The following RIMS2 variants were observed in gnomAD, a reference collection of about 807,000 sequenced individuals.
RIMS2 encodes regulating synaptic membrane exocytosis protein 2.
RIMS2 carries 59 observed loss-of-function variants against 174.4 expected under a neutral mutation model. The ratio of observed to expected loss-of-function variants is 0.34; its 90% confidence interval spans 0.27 to 0.42. The LOEUF (loss-of-function observed/expected upper bound fraction) is 0.42, where lower values mean the gene tolerates loss of function less well. Ranked by LOEUF, RIMS2 falls within the 10% of genes least tolerant of loss-of-function variation. The pLI is 1.00. For missense variants in RIMS2, 1,620 were observed against 1,666.3 expected, an observed-to-expected ratio of 0.97 and a Z score of 0.48; for synonymous variants, 606 against 572.5, an observed-to-expected ratio of 1.06 and a Z score of -0.84.
intron 1 of RIMS2, among the ~76,000 whole-genome samples, chr8:103,551,476 A>G (rs1305233325): frequency 6.6e-6 from 1 of 152,202 alleles, no homozygotes. Flanking sequence ...ATTTTTGGCA[A>G]ACTCACAGCC....
At chr8:103,747,776 G>A (rs543153385) in intron 2 of RIMS2, among the ~76,000 whole-genome samples, 1 of 152,266 alleles carries the variant, frequency 6.6e-6, no homozygotes, top group South Asian at 2.1e-4. Context: ...TAAGACTGCA[G>A]GTGGAGCAAT....
intron 19 of RIMS2, among the ~76,000 whole-genome samples, chr8:104,069,808 C>T (rs2097167795): frequency 6.6e-6 from 1 of 152,074 alleles, no homozygotes; most frequent in South Asian, 2.1e-4. Flanking sequence ...ATATTCAAGA[C>T]ATTTTTAGTT....
At chr8:104,196,622 C>T (rs2099025740) in intron 19 of RIMS2, among the ~76,000 whole-genome samples, 1 of 152,026 alleles carries the variant, frequency 6.6e-6, no homozygotes, top group Admixed American at 6.6e-5. Flanking sequence ...GATGATAGTA[C>T]AGTTTTTCAC....
intron 19 of RIMS2, among the ~76,000 whole-genome samples, chr8:104,206,841 A>C (rs942271120): frequency 7.2e-5 from 11 of 152,232 alleles, no homozygotes; most frequent in African/African-American, 2.7e-4. Flanking sequence ...TAGCTTCCAG[A>C]GAGTTTCATA....
chr8:103,773,831 A>G (rs189591261), intron 3 of RIMS2, among the ~76,000 whole-genome samples: 99 of 152,308 alleles, frequency 6.5e-4, no homozygotes, highest in Admixed American at 1.2e-3. Context: ...CTTTTGTGAG[A>G]ATTCAGAGGA....
chr8:103,587,878 T>A (rs1356070526), intron 1 of RIMS2, among the ~76,000 whole-genome samples: 2 of 152,010 alleles, frequency 1.3e-5, no homozygotes, highest in Non-Finnish European at 2.9e-5. Flanking sequence ...ACCACTGTGA[T>A]TCAACATGGT....
chr8:104,212,600 A>T (rs2099110262), intron 19 of RIMS2, among the ~76,000 whole-genome samples: 2 of 152,144 alleles, frequency 1.3e-5, no homozygotes, highest in South Asian at 2.1e-4. Context: ...CTCTTTCCTG[A>T]GTCTCACACA....
At chr8:103,802,961 A>G (rs2098623904) in intron 3 of RIMS2, among the ~76,000 whole-genome samples, 1 of 152,226 alleles carries the variant, frequency 6.6e-6, no homozygotes, top group Non-Finnish European at 1.5e-5. Flanking sequence ...AATTCATAAT[A>G]ACATGAATTC....
chr8:104,114,068 TC>T (rs988250781), intron 19 of RIMS2, among the ~76,000 whole-genome samples: 1 of 152,058 alleles, frequency 6.6e-6, no homozygotes, highest in African/African-American at 2.4e-5. Flanking sequence ...TGAATTTGTC[TC>T]TGACAAATAA....
intron 19 of RIMS2, among the ~76,000 whole-genome samples, chr8:104,024,677 T>G (rs2096207547): frequency 6.6e-6 from 1 of 152,136 alleles, no homozygotes; most frequent in Non-Finnish European, 1.5e-5. Flanking sequence ...TTCTTGCCTT[T>G]GGGGAGCTCC....
At chr8:103,522,558 A>C (rs1028936631) in intron 1 of RIMS2, among the ~76,000 whole-genome samples, 3 of 152,124 alleles carry the variant, frequency 2.0e-5, no homozygotes, top group African/African-American at 7.2e-5. Flanking sequence ...GTTGGAACCT[A>C]TCTTGTGCTC....
intron 14 of RIMS2, among the ~76,000 whole-genome samples, chr8:103,956,192 T>A (rs2154544458): frequency 6.6e-6 from 1 of 152,308 alleles, no homozygotes; most frequent in South Asian, 2.1e-4. Flanking sequence ...AATTTATACA[T>A]TTAATGCTAT....
chr8:103,616,959 A>T (rs1012019606), intron 1 of RIMS2, among the ~76,000 whole-genome samples: 9 of 152,226 alleles, frequency 5.9e-5, no homozygotes, highest in African/African-American at 1.9e-4. Flanking sequence ...AAAGCAATTT[A>T]TTAATTTGGT....
chr8:103,790,978 C>T (rs2098492580), intron 3 of RIMS2, among the ~76,000 whole-genome samples: 1 of 152,124 alleles, frequency 6.6e-6, no homozygotes, highest in Non-Finnish European at 1.5e-5. Flanking sequence ...GAGAATGGAA[C>T]CAAGTTGGAA....
At chr8:104,085,765 A>T (rs913961212) in intron 19 of RIMS2, among the ~76,000 whole-genome samples, 1 of 152,178 alleles carries the variant, frequency 6.6e-6, no homozygotes, top group Non-Finnish European at 1.5e-5. Flanking sequence ...TTCACAACTT[A>T]TCTAGGTTTT....
intron 3 of RIMS2, among the ~76,000 whole-genome samples, chr8:103,849,419 A>G (rs2098985422): frequency 6.6e-6 from 1 of 152,076 alleles, no homozygotes; most frequent in Non-Finnish European, 1.5e-5. Context: ...GCAAGATAGG[A>G]ATGAGAAAAG....
chr8:104,150,840 A>G (rs1318830248), intron 19 of RIMS2, among the ~76,000 whole-genome samples: 2 of 152,186 alleles, frequency 1.3e-5, no homozygotes, highest in Non-Finnish European at 2.9e-5. Context: ...TACTTTATGT[A>G]TAGTTTTTAG....
chr8:103,605,748 A>G (rs1334374597), intron 1 of RIMS2, among the ~76,000 whole-genome samples: 2 of 151,984 alleles, frequency 1.3e-5, no homozygotes, highest in East Asian at 3.9e-4. Flanking sequence ...TGTGTCGAGG[A>G]ATTTATCCAT....
At chr8:104,236,758 T>TA in intron 19 of RIMS2, among the ~76,000 whole-genome samples, 1 of 152,018 alleles carries the variant, frequency 6.6e-6, no homozygotes, top group East Asian at 1.9e-4. Context: ...ATTAGAAACA[T>TA]AAAAAATTAG....
Sources: gnomAD v4.1 joint callset for allele counts (sites outside exome capture counted in the v4.1 genomes callset) on GRCh38, gnomAD v4.1.1 for gene constraint, MANE v1.5 for transcripts, NCBI Gene and HGNC (gene_info 2026-07-23, HGNC 2026-07-21) for gene names.